Variants in PRKCI observed in about 807,000 individuals in gnomAD.
PRKCI encodes protein kinase C iota type.
Under a neutral mutation model 84.0 loss-of-function variants are expected in PRKCI, and 43 were observed. The observed-to-expected ratio is 0.51, with a 90% CI of 0.40 to 0.66. PRKCI has a LOEUF of 0.66. PRKCI is among the 30% of genes least tolerant of loss of function. The pLI, the probability that PRKCI is intolerant of heterozygous loss-of-function variation, is 0.00. For missense variants in PRKCI, 459 were observed against 745.6 expected (o/e 0.62, Z 4.48); for synonymous variants, 216 against 234.4 (o/e 0.92, Z 0.72).
intron 2 of PRKCI, among the ~76,000 whole-genome samples, chr3:170,237,794 A>C (rs1328914154): frequency 6.6e-6 from 1 of 152,216 alleles, no homozygotes; most frequent in East Asian, 1.9e-4. Flanking sequence ...GAAAAAAAGT[A>C]GTGCAAAAAT....
At chr3:170,229,749 T>C (rs1732737956) in intron 1 of PRKCI, among the ~76,000 whole-genome samples, 2 of 152,206 alleles carry the variant, frequency 1.3e-5, no homozygotes, top group Admixed American at 6.5e-5. Flanking sequence ...AAATATGATA[T>C]TGTTTCCCAA....
intron 6 of PRKCI, 134 bp from the exon 7 acceptor site, chr3:170,273,146 CAAAATT>C (rs1734038825): frequency 1.5e-6 from 1 of 680,542 alleles, no homozygotes; most frequent in Non-Finnish European, 2.5e-6. Context: ...TTTCATAAAA[CAAAATT>C]AAAAGTAAAT....
In PRKCI at chr3:170,292,309, G is replaced by A. The variant is rs139078809; in HGVS notation, c.1291+368G>A. ...GACATACGGAAAGTTTAAATAACTC[G>A]CCTAAGGTCAAGGATTCAGAACAGC... On this transcript the variant is annotated intron_variant, in intron 13 of 17. Coordinates refer to ENST00000295797, the MANE Select transcript of PRKCI (RefSeq NM_002740.6). Among the ~76,000 whole-genome samples the A allele has an allele frequency of 6.1e-3, 931 of 152,138 alleles. 6 individuals are homozygous for A. Among genetic ancestry groups the A allele is most frequent in the African/African-American group, 0.021 (870 of 41,508 alleles).
At chr3:170,273,753 TGCAGTGA>T (rs1734051253) in intron 7 of PRKCI, among the ~76,000 whole-genome samples, 1 of 151,450 alleles carries the variant, frequency 6.6e-6, no homozygotes, top group Non-Finnish European at 1.5e-5. Context: ...AGTTGGAGGT[TGCAGTGA>T]GCCAAGATCA....
chr3:170,264,424 C>T (rs1160902574), intron 4 of PRKCI, among the ~76,000 whole-genome samples: 6 of 151,984 alleles, frequency 3.9e-5, no homozygotes, highest in African/African-American at 7.3e-5. Context: ...GGATTACAGG[C>T]GCCAACACCA....
intron 1 of PRKCI, 34 bp downstream of exon 1, chr3:170,222,804 G>T: frequency 6.4e-7 from 1 of 1,560,744 alleles, no homozygotes; most frequent in East Asian, 2.4e-5. Flanking sequence ...TGGGCGGGAG[G>T]GGACAGGCCG....
At chr3:170,293,566 G>T in intron 14 of PRKCI, 58 bp downstream of exon 14, 1 of 1,550,472 alleles carries the variant, frequency 6.4e-7, no homozygotes, top group South Asian at 1.2e-5. Context: ...GAGTACAAAT[G>T]AGAGTGATTC....
intron 2 of PRKCI, among the ~76,000 whole-genome samples, chr3:170,241,185 G>T (rs996151311): frequency 6.6e-6 from 1 of 152,028 alleles, no homozygotes. Context: ...TTATTTCTTT[G>T]TGGTGAGGAC....
In PRKCI at chr3:170,260,004, G is replaced by A; in HGVS notation, c.259G>A (p.Glu87Lys). 4 of 1,613,092 alleles carry A rather than the reference G, an allele frequency of 2.5e-6. No homozygotes were observed. Among genetic ancestry groups the A allele is most frequent in the Non-Finnish European group, 3.4e-6 (4 of 1,179,502 alleles). Reference protein sequence around the residue: ...PCTVSSQLELEEAFRLYELNK... With the variant: ...PCTVSSQLELKEAFRLYELNK... ...TACAGTATCATCTCAGTTGGAGTTA[G>A]AAGAAGCCTTTAGACTTTATGAGCT... The change falls in exon 3 of 18, where the codon GAA (glutamate) becomes AAA (lysine). Residue 87 changes from glutamate to lysine, a missense_variant. Coordinates refer to ENST00000295797, the MANE Select transcript of PRKCI (RefSeq NM_002740.6).
intron 2 of PRKCI, among the ~76,000 whole-genome samples, chr3:170,254,838 ATTT>A (rs1404729816): frequency 6.6e-6 from 1 of 151,806 alleles, no homozygotes. Flanking sequence ...ATTTACAATG[ATTT>A]TTTTCTATTT....
intron 8 of PRKCI, among the ~76,000 whole-genome samples, chr3:170,279,282 C>T (rs1734189817): frequency 6.6e-6 from 1 of 152,210 alleles, no homozygotes; most frequent in Non-Finnish European, 1.5e-5. Context: ...CCACCTGCTT[C>T]AGCCTCCCTA....
chr3:170,242,490 T>C (rs1577345442), intron 2 of PRKCI, among the ~76,000 whole-genome samples: 1 of 151,876 alleles, frequency 6.6e-6, no homozygotes, highest in East Asian at 1.9e-4. Flanking sequence ...TTAACAGCAC[T>C]TAGAAAAGGA....
chr3:170,248,395 T>C (rs1384155790), intron 2 of PRKCI, among the ~76,000 whole-genome samples: 1 of 151,936 alleles, frequency 6.6e-6, no homozygotes, highest in Non-Finnish European at 1.5e-5. Context: ...AACCTGCTGG[T>C]TAATATACAG....
At chr3:170,246,208 A>G (rs1426387202) in intron 2 of PRKCI, among the ~76,000 whole-genome samples, 2 of 151,886 alleles carry the variant, frequency 1.3e-5, no homozygotes, top group Non-Finnish European at 2.9e-5. Context: ...GCTGGAGTGC[A>G]GTGGCATGAT....
At chr3:170,297,274 C>T in intron 15 of PRKCI, 30 bp from the exon 16 acceptor site, 1 of 1,533,490 alleles carries the variant, frequency 6.5e-7, no homozygotes. Flanking sequence ...TGACATTCAC[C>T]CAATTCTTGA....
intron 12 of PRKCI, among the ~76,000 whole-genome samples, chr3:170,288,684 G>A (rs1234906324): frequency 6.6e-6 from 1 of 152,160 alleles, no homozygotes; most frequent in East Asian, 1.9e-4. Flanking sequence ...GGGGTGGGGT[G>A]GAGATTGCAG....
chr3:170,267,907 G>T lies in PRKCI; in HGVS notation c.365-8G>T. The stretch of plus-strand genomic sequence containing the variant: ...TTTTTCTTTTTTTAACTATTACTCT[G>T]TCTTCAGAATCCATCTACCGTAGAG... On this transcript the variant is annotated splice_region_variant and splice_polypyrimidine_tract_variant and intron_variant, in intron 4 of 17. Transcript: ENST00000295797. 6.4e-7 allele frequency: 1 copy of T among 1,574,108 alleles called. No homozygotes were observed.
chr3:170,291,136 CAA>C (rs35556777), intron 12 of PRKCI, among the ~76,000 whole-genome samples: 38 of 145,906 alleles, frequency 2.6e-4, no homozygotes, highest in South Asian at 4.4e-4. Flanking sequence ...ACTCTGTCTC[CAA>C]AAAAAAAAAA....
At chr3:170,262,658 T>A (rs1733756668) in intron 3 of PRKCI, among the ~76,000 whole-genome samples, 1 of 152,020 alleles carries the variant, frequency 6.6e-6, no homozygotes. Context: ...TTTTTTGTAT[T>A]TTTTGGTAGA....
Sources: allele counts gnomAD v4.1 joint callset (sites outside exome capture counted in the v4.1 genomes callset), GRCh38; gene constraint gnomAD v4.1.1; transcripts MANE v1.5; gene names NCBI Gene and HGNC (gene_info 2026-07-23, HGNC 2026-07-21).